NAV3: variants seen among roughly 807,000 people sequenced by gnomAD.
The protein encoded by NAV3 is pore membrane and/or filament interacting like protein 1.
A neutral mutation model predicts 244.7 loss-of-function variants in NAV3; 87 were observed. The observed-to-expected ratio is 0.36, with a 90% confidence interval of 0.30 to 0.42. The LOEUF (loss-of-function observed/expected upper bound fraction) is 0.42, where lower values mean the gene tolerates loss of function less well. Among genes scored for constraint, NAV3 ranks in the 20% least tolerant of loss-of-function variants. The pLI, the probability that NAV3 is intolerant of heterozygous loss-of-function variation, is 1.00. For missense variants in NAV3, 2,663 were observed against 2,893.3 expected (o/e 0.92, Z 1.83); for synonymous variants, 1,126 against 1,042.2 (o/e 1.08, Z -1.55).
rs1237552179 is a variant in NAV3 at position 78,021,886 on chromosome 12, G to C, written c.2023+24G>C. 2.8e-6 allele frequency: 4 copies of C among 1,449,450 alleles called. No individual in the cohort carries two copies. In the East Asian group the frequency reaches 6.9e-5, roughly 25 times the overall value. 89.8% of individuals were successfully genotyped at this position (1,449,450 alleles called of 1,614,324 possible). ...TGGTAAGTGACCTCATCGATGCATA[G>C]GTCAAACCTAGGAATTTCCGTATTC... On this transcript the variant is annotated intron_variant, in intron 9 of 39. Transcript: ENST00000397909.
At chr12:78,200,853 G>A (rs1183049489) in intron 38 of NAV3, among the ~76,000 whole-genome samples, 1 of 151,648 alleles carries the variant, frequency 6.6e-6, no homozygotes, top group African/African-American at 2.4e-5. Context: ...ATGTTTACAG[G>A]TTGTTTTTAT....
intron 2 of NAV3, among the ~76,000 whole-genome samples, chr12:77,591,394 A>C (rs1356223876): frequency 6.6e-6 from 1 of 152,214 alleles, no homozygotes; most frequent in Admixed American, 6.5e-5. Flanking sequence ...TTATAGTATG[A>C]GAAATATTTG....
At chr12:77,874,024 T>C (rs970118942) in intron 1 of NAV3, among the ~76,000 whole-genome samples, 1 of 151,438 alleles carries the variant, frequency 6.6e-6, no homozygotes, top group African/African-American at 2.4e-5. Flanking sequence ...ATGAATCCTA[T>C]TGTGAACTGC....
chr12:77,630,942 C>A (rs1461155491), intron 2 of NAV3, among the ~76,000 whole-genome samples: 7 of 152,106 alleles, frequency 4.6e-5, no homozygotes. Context: ...TAGTAGTGTT[C>A]ATTTCCTCAC....
intron 22 of NAV3, 110 bp downstream of exon 22, chr12:78,149,029 A>T: frequency 1.2e-6 from 1 of 866,170 alleles, no homozygotes; most frequent in Non-Finnish European, 1.8e-6. Context: ...GACTTAGATT[A>T]CCAACTAGCA....
rs775014090 is a variant in NAV3, at chr12:78,197,372, T to A, written c.6417T>A (p.Asn2139Lys). 2.5e-6 allele frequency: 4 copies of A among 1,601,652 alleles called. No homozygotes were observed. The highest frequency in any genetic ancestry group is 3.4e-6 in the Non-Finnish European group (4 of 1,173,450). ...TGGGCTCTCTGAGTGATATCTTCAA[T>A]GGTTTTCTCAATTGTAAATACAACA... ...HHVGSLSDIF[N>K]GFLNCKYNKC... The change falls in exon 35 of 40, where the codon AAT becomes AAA. Residue 2139 changes from asparagine (N) to lysine (K), a missense_variant. Asn to Lys is a moderately conservative substitution (Grantham distance 94, BLOSUM62 0). This residue lies in a region of NAV3 where 543 missense variants were observed against 672.4 expected (regional missense o/e 0.81). Transcript: ENST00000397909.
At chr12:78,193,221 C>A (rs1959059180) in intron 34 of NAV3, among the ~76,000 whole-genome samples, 1 of 152,190 alleles carries the variant, frequency 6.6e-6, no homozygotes, top group Non-Finnish European at 1.5e-5. Context: ...ACTTTACATT[C>A]TGTTCCTCTT....
At chr12:77,908,665 C>G (rs1056606391) in intron 1 of NAV3, among the ~76,000 whole-genome samples, 2 of 151,992 alleles carry the variant, frequency 1.3e-5, no homozygotes, top group African/African-American at 4.8e-5. Context: ...TCTTTGATAA[C>G]TGGCTTAGAG....
rs1260999034 is a variant in NAV3, at chr12:77,982,226, A to T, written c.672-12577A>T. 4.6e-5 allele frequency among the ~76,000 whole-genome samples: 3 copies of T among 65,822 alleles called. 1 individual carries two copies. The highest frequency in any genetic ancestry group is 8.5e-5 in the Non-Finnish European group (2 of 23,572). 43.2% of individuals were successfully genotyped at this position (65,822 alleles called of 152,430 possible). ...TGCATAACATATGGCTTAATGAAAGATGATTTGTTGCTATTGATCCTTTAT... is the reference window on the plus strand; with the variant it reads ...TGCATAACATATGGCTTAATGAAAGTTGATTTGTTGCTATTGATCCTTTAT... On this transcript the variant is annotated intron_variant, in intron 5 of 39. Coordinates refer to ENST00000397909, the MANE Select transcript of NAV3 (RefSeq NM_001024383.2).
intron 2 of NAV3, among the ~76,000 whole-genome samples, chr12:77,752,444 C>A (rs1466070572): frequency 6.6e-6 from 1 of 152,066 alleles, no homozygotes; most frequent in African/African-American, 2.4e-5. Flanking sequence ...GCCGAGAGTC[C>A]ATTTTTCTTA....
Position 77,707,721 on chromosome 12 carries a change from C to T in NAV3, c.72+135455C>T, listed in dbSNP as rs1478906421. ...TAATTCTCCACATCCTCTCCAGCAC[C>T]GGTTGTTTCCTGACTTTTTAATGAT... On this transcript the variant is annotated intron_variant, in intron 2 of 8. Transcript: ENST00000550042. Among the ~76,000 whole-genome samples, 9 of 152,180 alleles carry T rather than the reference C, an allele frequency of 5.9e-5. No homozygotes were observed. The South Asian group carries it at 6.2e-4, about 11-fold the overall frequency.
intron 2 of NAV3, among the ~76,000 whole-genome samples, chr12:77,777,596 G>T (rs1405660099): frequency 2.6e-5 from 4 of 152,112 alleles, no homozygotes; most frequent in Non-Finnish European, 5.9e-5. Flanking sequence ...TTCTGTTTAA[G>T]ATTTTTGAGC....
At chr12:77,925,924 TG>T (rs1888170249) in intron 1 of NAV3, among the ~76,000 whole-genome samples, 1 of 152,198 alleles carries the variant, frequency 6.6e-6, no homozygotes. Flanking sequence ...TGCCCTCTAG[TG>T]GGGATCAACA....
At chr12:78,174,768 ACTT>A (rs1231262510) in intron 24 of NAV3, among the ~76,000 whole-genome samples, 1 of 151,818 alleles carries the variant, frequency 6.6e-6, no homozygotes, top group African/African-American at 2.4e-5. Context: ...AAGTTACTTA[ACTT>A]CTTTTCACTT....
At chr12:77,873,742 G>GTATA (rs1294527901) in intron 1 of NAV3, among the ~76,000 whole-genome samples, 32 of 57,968 alleles carry the variant, frequency 5.5e-4, no homozygotes, top group African/African-American at 9.4e-4. Flanking sequence ...ATATGTGTGT[G>GTATA]TGTATATATA....
At chr12:77,930,835 A>T (rs1423738985) in intron 1 of NAV3, among the ~76,000 whole-genome samples, 1 of 152,170 alleles carries the variant, frequency 6.6e-6, no homozygotes, top group Non-Finnish European at 1.5e-5. Flanking sequence ...TGAGATTGAA[A>T]ATCAATTTCC....
chr12:77,850,231 T>C (rs1447092481), intron 1 of NAV3, among the ~76,000 whole-genome samples: 2 of 152,234 alleles, frequency 1.3e-5, no homozygotes, highest in Non-Finnish European at 2.9e-5. Context: ...TTTGATTTCC[T>C]TGTCAGAACG....
At chr12:77,939,154 C>T (rs562410790) in intron 1 of NAV3, among the ~76,000 whole-genome samples, 20 of 152,150 alleles carry the variant, frequency 1.3e-4, no homozygotes, top group Middle Eastern at 3.4e-3. Flanking sequence ...AAGTTTTTAA[C>T]ATGCTTGGCA....
chr12:77,698,835 A>C (rs1875430655), intron 2 of NAV3, among the ~76,000 whole-genome samples: 1 of 152,136 alleles, frequency 6.6e-6, no homozygotes, highest in Admixed American at 6.6e-5. Context: ...AATAATTTTA[A>C]AATGATTCAC....
Sources: gnomAD v4.1 joint callset for allele counts (sites outside exome capture counted in the v4.1 genomes callset) on GRCh38, gnomAD v4.1.1 for gene constraint, gnomAD v4.1.1 regional missense constraint, MANE v1.5 for transcripts, NCBI Gene and HGNC (gene_info 2026-07-23, HGNC 2026-07-21) for gene names.